Variants in COL26A1 observed in about 807,000 individuals in gnomAD.
COL26A1 encodes the protein collagen type XXVI alpha 1 chain, also known as collagen alpha-1(XXVI) chain.
Under a neutral mutation model 59.3 loss-of-function variants are expected in COL26A1, and 41 were observed. That is an observed-to-expected ratio of 0.69 (90% CI 0.54 to 0.90). The LOEUF is 0.90. COL26A1 is among the 40% of genes least tolerant of loss of function. COL26A1 has a pLI of 0.00. For synonymous variants in COL26A1, 266 were observed against 256.0 expected (o/e 1.04, Z -0.37); for missense variants, 612 against 602.3 (o/e 1.02, Z -0.17).
intron 3 of COL26A1, among the ~76,000 whole-genome samples, chr7:101,492,698 A>G (rs1465088288): frequency 1.5e-5 from 2 of 129,622 alleles, no homozygotes; most frequent in African/African-American, 6.1e-5. Context: ...CTCTGTCTCA[A>G]AAAATAAATA....
chr7:101,527,288 T>C (rs1795267732), intron 3 of COL26A1, among the ~76,000 whole-genome samples: 1 of 152,034 alleles, frequency 6.6e-6, no homozygotes, highest in South Asian at 2.1e-4. Context: ...TCTCTCTATG[T>C]CTCTGTCTGT....
intron 2 of COL26A1, among the ~76,000 whole-genome samples, chr7:101,441,254 C>G (rs906920162): frequency 6.6e-6 from 1 of 152,124 alleles, no homozygotes; most frequent in Non-Finnish European, 1.5e-5. Context: ...CTCTGTTGTT[C>G]TCAGTCAGCT....
chr7:101,542,390 C>T (rs902723942), intron 5 of COL26A1, among the ~76,000 whole-genome samples: 3 of 152,302 alleles, frequency 2.0e-5, no homozygotes, highest in Non-Finnish European at 4.4e-5. Flanking sequence ...TGTGAGCTAG[C>T]GCACCCAGCC....
intron 3 of COL26A1, among the ~76,000 whole-genome samples, chr7:101,520,149 C>G (rs1562786164): frequency 6.6e-6 from 1 of 152,204 alleles, no homozygotes; most frequent in African/African-American, 2.4e-5. Flanking sequence ...GGGACAAGCT[C>G]TCTGTGTGCA....
At chr7:101,369,814 CA>C (rs1335386181) in intron 1 of COL26A1, among the ~76,000 whole-genome samples, 1 of 152,052 alleles carries the variant, frequency 6.6e-6, no homozygotes, top group Non-Finnish European at 1.5e-5. Flanking sequence ...GCATTCCCAT[CA>C]GCAGTTTCTT....
chr7:101,420,385 G>A (rs1048647565), intron 2 of COL26A1, among the ~76,000 whole-genome samples: 4 of 152,208 alleles, frequency 2.6e-5, no homozygotes, highest in African/African-American at 9.7e-5. Context: ...GGGATCCGAG[G>A]TCGGGGAAGG....
intron 8 of COL26A1, among the ~76,000 whole-genome samples, chr7:101,547,561 C>G (rs573099703): frequency 6.6e-6 from 1 of 152,220 alleles, no homozygotes; most frequent in Admixed American, 6.5e-5. Flanking sequence ...CAGGAAGTCC[C>G]TACCTTTGAG....
At chr7:101,455,236 G>T (rs1793441411) in intron 3 of COL26A1, among the ~76,000 whole-genome samples, 1 of 151,768 alleles carries the variant, frequency 6.6e-6, no homozygotes, top group East Asian at 2.0e-4. Flanking sequence ...TAGAGACGGG[G>T]TTTCACCATG....
Position 101,489,693 on chromosome 7 carries a change from C to CTTTCTTTCTT in COL26A1, c.385+41911_385+41912insTTCTTTTTCT, listed in dbSNP as rs1554421172. Among the ~76,000 whole-genome samples, 2 of 11,808 alleles carry CTTTCTTTCTT rather than the reference C, an allele frequency of 1.7e-4. 1 individual carries two copies. Among genetic ancestry groups the CTTTCTTTCTT allele is most frequent in the African/African-American group, 7.0e-4 (2 of 2,860 alleles). The allele number at this position is 11,808 out of a possible 152,430, so 7.7% of individuals were successfully genotyped here. A position where few individuals can be genotyped will look rare whatever the true frequency, so the allele number is the denominator to read the frequency against. On this transcript the variant is annotated intron_variant, in intron 3 of 12. Coordinates refer to ENST00000313669, the MANE Select transcript of COL26A1 (RefSeq NM_001278563.3). ...CCTTCCTTCCTTCCTTTCTTTCTTT[C>CTTTCTTTCTT]TTTCTGTCTTTCTTTCTTTCATTCT...
chr7:101,492,463 G>A (rs1356924414), intron 3 of COL26A1, among the ~76,000 whole-genome samples: 1 of 151,884 alleles, frequency 6.6e-6, no homozygotes, highest in Non-Finnish European at 1.5e-5. Context: ...TTGGGAGACT[G>A]AGGCAGGAGG....
intron 3 of COL26A1, among the ~76,000 whole-genome samples, chr7:101,529,622 T>C (rs942864568): frequency 6.6e-6 from 1 of 152,156 alleles, no homozygotes; most frequent in Non-Finnish European, 1.5e-5. Context: ...ACCCCATCTT[T>C]ATGTCCATAT....
At chr7:101,387,778 A>ATATTTTTTTTT (rs773025730) in intron 1 of COL26A1, among the ~76,000 whole-genome samples, 7 of 84,834 alleles carry the variant, frequency 8.3e-5, no homozygotes, top group African/African-American at 3.0e-4. Context: ...ATATATATAT[A>ATATTTTTTTTT]TTTTTTTTTA....
intron 3 of COL26A1, among the ~76,000 whole-genome samples, chr7:101,512,278 C>T (rs1449537590): frequency 2.6e-5 from 4 of 152,098 alleles, no homozygotes; most frequent in African/African-American, 9.7e-5. Flanking sequence ...AACAAGAAAA[C>T]TTGTCCATCT....
rs1584455207 is a variant in COL26A1 at position 101,489,668 on chromosome 7, C to CTGT, written c.385+41881_385+41882insTGT. Among the ~76,000 whole-genome samples the CTGT allele has an allele frequency of 7.8e-4, 21 of 26,758 alleles. No homozygotes were observed. The African/African-American group carries it at 8.2e-3, about 10-fold the overall frequency. 17.6% of individuals were successfully genotyped at this position (26,758 alleles called of 152,430 possible). ...TTCTTTCTTTCTTTCTTTCTTCCTT[C>CTGT]CTTCCTTCCTTCCTTTCTTTCTTTC... is the stretch of plus-strand genomic sequence containing the variant. On this transcript the variant is annotated intron_variant, in intron 3 of 12. Coordinates refer to ENST00000313669, the MANE Select transcript of COL26A1 (RefSeq NM_001278563.3).
chr7:101,442,132 C>A, intron 2 of COL26A1, among the ~76,000 whole-genome samples: 1 of 152,142 alleles, frequency 6.6e-6, no homozygotes, highest in Admixed American at 6.5e-5. Context: ...TTGGCCCTTG[C>A]GCCTGCCCCG....
intron 3 of COL26A1, among the ~76,000 whole-genome samples, chr7:101,487,692 C>T (rs1332345230): frequency 6.6e-6 from 1 of 152,136 alleles, no homozygotes. Flanking sequence ...ACTGTGTCCC[C>T]AGGGCCTCCA....
rs141350364 is a variant in COL26A1, at chr7:101,527,204, C to T, written c.386-5878C>T. On this transcript the variant is annotated intron_variant, in intron 3 of 12. Transcript: ENST00000313669. ...CCGACTGGTCTCCAACTCCTGGGCC[C>T]AAGCGATCCTCCCACCTTGACCTCC... Among the ~76,000 whole-genome samples the T allele has an allele frequency of 8.3e-3, 1,264 of 152,306 alleles. 9 individuals carry two copies. Among genetic ancestry groups the T allele is most frequent in the Middle Eastern group, 0.017 (5 of 294 alleles).
intron 3 of COL26A1, among the ~76,000 whole-genome samples, chr7:101,449,345 T>C (rs993043895): frequency 7.9e-5 from 12 of 152,212 alleles, no homozygotes; most frequent in African/African-American, 2.7e-4. Flanking sequence ...CACAGCCATC[T>C]GGTCCCCCCA....
intron 3 of COL26A1, among the ~76,000 whole-genome samples, chr7:101,479,790 C>A (rs946760958): frequency 1.3e-5 from 2 of 152,028 alleles, no homozygotes; most frequent in African/African-American, 2.4e-5. Flanking sequence ...TTTTTATTGG[C>A]ATATCATCAT....
Sources: gnomAD v4.1 joint callset for allele counts (sites outside exome capture counted in the v4.1 genomes callset) on GRCh38, gnomAD v4.1.1 for gene constraint, MANE v1.5 for transcripts, NCBI Gene and HGNC (gene_info 2026-07-23, HGNC 2026-07-21) for gene names.